The following CSMD1 variants were observed in gnomAD, a reference collection of about 807,000 sequenced individuals.
CSMD1 encodes CUB and Sushi multiple domains 1, also known as CUB and sushi domain-containing protein 1.
Under a neutral mutation model 417.5 loss-of-function variants are expected in CSMD1, and 213 were observed. The ratio of observed to expected loss-of-function variants is 0.51; its 90% CI spans 0.46 to 0.57. The LOEUF is 0.57. CSMD1 is among the 20% of genes least tolerant of loss of function. The pLI, the probability that CSMD1 is intolerant of heterozygous loss-of-function variation, is 0.00. For synonymous variants in CSMD1, 2,862 were observed against 1,736.8 expected, an observed-to-expected ratio of 1.65 and a Z score of -16.11; for missense variants, 6,923 against 4,529.7, an observed-to-expected ratio of 1.53 and a Z score of -15.17.
intron 12 of CSMD1, among the ~76,000 whole-genome samples, chr8:3,444,583 G>A (rs977080712): frequency 2.0e-5 from 3 of 152,074 alleles, no homozygotes; most frequent in Non-Finnish European, 4.4e-5. Flanking sequence ...GGTATCTGGT[G>A]GGTCAAGGCC....
intron 3 of CSMD1, among the ~76,000 whole-genome samples, chr8:4,032,391 T>A (rs563208419): frequency 6.6e-6 from 1 of 152,258 alleles, no homozygotes; most frequent in South Asian, 2.1e-4. Flanking sequence ...GGATTATATT[T>A]TTCTAGTCAC....
At chr8:3,766,744 C>T (rs1337671191) in intron 5 of CSMD1, among the ~76,000 whole-genome samples, 2 of 152,046 alleles carry the variant, frequency 1.3e-5, no homozygotes, top group African/African-American at 2.4e-5. Flanking sequence ...TTTTAGCATA[C>T]ATATTCTTTA....
chr8:3,443,863 G>T (rs373497667), intron 12 of CSMD1, among the ~76,000 whole-genome samples: 2 of 152,236 alleles, frequency 1.3e-5, no homozygotes, highest in East Asian at 3.9e-4. Flanking sequence ...TGTTGGTATT[G>T]CTTTCAAATT....
intron 1 of CSMD1, among the ~76,000 whole-genome samples, chr8:4,860,454 C>A (rs1215615033): frequency 6.6e-6 from 1 of 151,826 alleles, no homozygotes; most frequent in African/African-American, 2.4e-5. Context: ...GCTCTCTTGG[C>A]CCTGCTCTCG....
intron 37 of CSMD1, among the ~76,000 whole-genome samples, chr8:3,163,356 G>C (rs907427254): frequency 6.6e-6 from 1 of 151,936 alleles, no homozygotes; most frequent in African/African-American, 2.4e-5. Context: ...AATTGACTGG[G>C]ACTCTCAGAA....
At chr8:4,090,410 C>G (rs1043205198) in intron 3 of CSMD1, among the ~76,000 whole-genome samples, 2 of 152,090 alleles carry the variant, frequency 1.3e-5, no homozygotes, top group Admixed American at 6.5e-5. Flanking sequence ...TTAATTAACA[C>G]CCTAGTCTTG....
At chr8:4,388,833 C>T (rs1287392280) in intron 3 of CSMD1, among the ~76,000 whole-genome samples, 1 of 152,196 alleles carries the variant, frequency 6.6e-6, no homozygotes, top group Non-Finnish European at 1.5e-5. Flanking sequence ...ATCCTGCCTT[C>T]CCTTTGATTT....
At chr8:2,962,331 A>G in intron 61 of CSMD1, 135 bp downstream of exon 61, 1 of 760,600 alleles carries the variant, frequency 1.3e-6, no homozygotes, top group Non-Finnish European at 2.1e-6. Flanking sequence ...TACTCAGTGC[A>G]AAAATTATTA....
chr8:4,172,127 T>A (rs547903487), intron 3 of CSMD1, among the ~76,000 whole-genome samples: 1 of 152,156 alleles, frequency 6.6e-6, no homozygotes, highest in African/African-American at 2.4e-5. Flanking sequence ...AGTAGGTGCA[T>A]GACTACCTAA....
At chr8:4,041,672 G>C (rs767394887) in intron 3 of CSMD1, among the ~76,000 whole-genome samples, 2 of 152,208 alleles carry the variant, frequency 1.3e-5, no homozygotes, top group South Asian at 2.1e-4. Flanking sequence ...AAGTGAGCCA[G>C]AAATAAAACA....
intron 11 of CSMD1, among the ~76,000 whole-genome samples, chr8:3,489,513 T>C (rs756715206): frequency 1.1e-4 from 17 of 152,156 alleles, no homozygotes; most frequent in Admixed American, 2.0e-4. Context: ...ACAAATCAAA[T>C]TCGAGAACAG....
At chr8:4,667,936 C>G (rs953482266) in intron 1 of CSMD1, among the ~76,000 whole-genome samples, 1 of 152,160 alleles carries the variant, frequency 6.6e-6, no homozygotes, top group Admixed American at 6.5e-5. Context: ...TTCACACATA[C>G]GTCTTTGAAA....
intron 3 of CSMD1, among the ~76,000 whole-genome samples, chr8:4,046,982 C>T (rs1416048936): frequency 6.6e-6 from 1 of 152,130 alleles, no homozygotes; most frequent in African/African-American, 2.4e-5. Flanking sequence ...TCTTTTCTTT[C>T]CAGAACCCTC....
intron 3 of CSMD1, among the ~76,000 whole-genome samples, chr8:4,184,848 A>G (rs1306731097): frequency 6.6e-6 from 1 of 152,070 alleles, no homozygotes; most frequent in Non-Finnish European, 1.5e-5. Flanking sequence ...AAAATACCCC[A>G]ACACTTTCGG....
chr8:4,521,540 G>A (rs1803447527), intron 2 of CSMD1, among the ~76,000 whole-genome samples: 1 of 152,090 alleles, frequency 6.6e-6, no homozygotes, highest in Admixed American at 6.6e-5. Context: ...GTCTACTATA[G>A]CAGTGATACA....
At chr8:4,196,306 A>G (rs924803375) in intron 3 of CSMD1, among the ~76,000 whole-genome samples, 2 of 152,214 alleles carry the variant, frequency 1.3e-5, no homozygotes, top group African/African-American at 4.8e-5. Flanking sequence ...CATTTGTTCT[A>G]TCGCTGCCGT....
chr8:4,798,554 G>A (rs575098244), intron 1 of CSMD1, among the ~76,000 whole-genome samples: 19 of 152,276 alleles, frequency 1.2e-4, no homozygotes, highest in Non-Finnish European at 1.9e-4. Flanking sequence ...TCACAGGCAA[G>A]CTAAGGTGGA....
At chr8:3,473,576 G>A (rs1248261496) in intron 11 of CSMD1, among the ~76,000 whole-genome samples, 3 of 152,048 alleles carry the variant, frequency 2.0e-5, no homozygotes, top group Non-Finnish European at 4.4e-5. Flanking sequence ...GTTGCCCTTT[G>A]CAACTGGTTA....
intron 2 of CSMD1, among the ~76,000 whole-genome samples, chr8:4,514,462 G>A (rs140841389): frequency 6.6e-6 from 1 of 152,136 alleles, no homozygotes; most frequent in African/African-American, 2.4e-5. Context: ...TTTTTAAGTA[G>A]CATCCTGATG....
Sources: allele counts gnomAD v4.1 joint callset (sites outside exome capture counted in the v4.1 genomes callset), GRCh38; gene constraint gnomAD v4.1.1; transcripts MANE v1.5; gene names NCBI Gene and HGNC (gene_info 2026-07-23, HGNC 2026-07-21).